The following PHC2 variants were observed in gnomAD, a reference collection of about 807,000 sequenced individuals.
PHC2 encodes polyhomeotic homolog 2, also known as polyhomeotic-like protein 2.
A neutral mutation model predicts 87.4 loss-of-function variants in PHC2; 29 were observed. The ratio of observed to expected loss-of-function variants is 0.33; its 90% confidence interval spans 0.25 to 0.45. PHC2 has a LOEUF of 0.45. PHC2 is among the 20% of genes least tolerant of loss of function. The pLI is 1.00. For missense variants in PHC2, 857 were observed against 1,136.7 expected (o/e 0.75, Z 3.54); for synonymous variants, 438 against 461.7 (o/e 0.95, Z 0.66).
rs769977540 is a variant in PHC2 at position 33,332,372 on chromosome 1, G to A, written c.1794C>T (p.Leu598=). The A allele has an allele frequency of 9.3e-6, 15 of 1,614,166 alleles. No individual in the cohort carries two copies. In the Admixed American group the frequency reaches 2.5e-4, roughly 27 times the overall value. The change falls in exon 11 of 15, where the codon CTC becomes CTT. Residue 598 remains leucine, a synonymous_variant. Transcript: ENST00000683057. The surrounding 1 kb of genome is among the most constrained non-coding windows in gnomAD (Gnocchi z 4.2). ...GGAACCCCTGTGCATACTTCTTCTTGAGATTCCCCACCAGCAGGGACGAGC... is the reference window on the plus strand; with the variant it reads ...GGAACCCCTGTGCATACTTCTTCTTAAGATTCCCCACCAGCAGGGACGAGC... The part of the protein sequence containing the change: ...VGRSSLLVGN[L]KKKYAQGFLP...
chr1:33,422,573 T>C (rs775786261), intron 1 of PHC2, among the ~76,000 whole-genome samples: 5 of 152,230 alleles, frequency 3.3e-5, no homozygotes, highest in Non-Finnish European at 7.3e-5. Flanking sequence ...GGTTATACAA[T>C]GGGCCTGACC....
chr1:33,341,688 A>C (rs1646748301), intron 9 of PHC2, among the ~76,000 whole-genome samples: 1 of 152,228 alleles, frequency 6.6e-6, no homozygotes, highest in Non-Finnish European at 1.5e-5. Flanking sequence ...TTTCCCCCAC[A>C]ACGAATTTAC....
rs1647677073 is a variant in PHC2, at chr1:33,369,270, G to A, written c.577-648C>T. Among the ~76,000 whole-genome samples, 1 of 152,220 alleles carries A rather than the reference G, an allele frequency of 6.6e-6. No homozygotes were observed. The highest frequency in any genetic ancestry group is 1.5e-5 in the Non-Finnish European group (1 of 68,024). On this transcript the variant is annotated intron_variant, in intron 5 of 14. Transcript: ENST00000683057. This position sits in a 1 kb window ranked among gnomAD's most constrained non-coding sequence, Gnocchi z 4.7. Reference sequence around the variant, plus strand: ...CTCTGCATGACACCTCGACCTCCGTGGGAGTCTAGCTCTGCATCAGTGTGG... The same window carrying A: ...CTCTGCATGACACCTCGACCTCCGTAGGAGTCTAGCTCTGCATCAGTGTGG...
rs116484793 is a variant in PHC2, at chr1:33,330,548, G to A, written c.2007-336C>T. ...TCCACTATAAATGTTACCCTGTGAC[G>A]GGAAACTACTGTCCACTGTCCTGCT... On this transcript the variant is annotated intron_variant, in intron 12 of 14. Coordinates refer to ENST00000683057, the MANE Select transcript of PHC2 (RefSeq NM_001385109.1). 2.8e-3 allele frequency among the ~76,000 whole-genome samples: 420 copies of A among 152,312 alleles called. 1 individual carries two copies. Among genetic ancestry groups the A allele is most frequent in the African/African-American group, 9.3e-3 (386 of 41,558 alleles).
Position 33,330,086 on chromosome 1 carries a change from C to T in PHC2, c.2133G>A (p.Lys711=), listed in dbSNP as rs2148191503. The T allele has an allele frequency of 1.9e-6, 3 of 1,613,976 alleles. No homozygotes were observed. The highest frequency in any genetic ancestry group is 2.2e-5 in the South Asian group (2 of 91,004). The change falls in exon 13 of 15, where the codon AAG becomes AAA. Residue 711 remains lysine (K), a synonymous_variant. Transcript: ENST00000683057. ...ASKASLPPLT[K]DTKKQPTGTV... ...CGCCTCTTACCTGCTTCTTGGTATC[C>T]TTGGTAAGTGGTGGCAGACTGGCTT...
intron 1 of PHC2, among the ~76,000 whole-genome samples, chr1:33,408,757 G>T (rs1042076648): frequency 2.0e-5 from 3 of 152,082 alleles, no homozygotes; most frequent in African/African-American, 4.8e-5. Flanking sequence ...GAGCCACCGC[G>T]CCTGGCCTGT....
intron 1 of PHC2, among the ~76,000 whole-genome samples, chr1:33,389,536 T>C (rs1030376614): frequency 1.1e-4 from 16 of 152,178 alleles, no homozygotes; most frequent in African/African-American, 3.6e-4. Flanking sequence ...TTCCTCCTGC[T>C]TGCTTCTGCC....
chr1:33,385,250 C>A (rs1319533841), intron 1 of PHC2, among the ~76,000 whole-genome samples: 1 of 152,164 alleles, frequency 6.6e-6, no homozygotes, highest in Non-Finnish European at 1.5e-5. Flanking sequence ...ATGTGGAGAT[C>A]ATAATACCTT....
At chr1:33,326,742 T>G (rs1646379799) in intron 14 of PHC2, among the ~76,000 whole-genome samples, 3 of 152,004 alleles carry the variant, frequency 2.0e-5, no homozygotes, top group South Asian at 2.1e-4. Context: ...TCGCCTGAGG[T>G]AAGGAGTTTG....
At chr1:33,390,287 CTT>C (rs1312181737) in intron 1 of PHC2, among the ~76,000 whole-genome samples, 3 of 152,218 alleles carry the variant, frequency 2.0e-5, no homozygotes, top group Non-Finnish European at 2.9e-5. Context: ...TTATTTTTAA[CTT>C]ATCCATTTAT....
At chr1:33,430,215 C>G (rs1458130162) in intron 1 of PHC2, among the ~76,000 whole-genome samples, 2 of 152,182 alleles carry the variant, frequency 1.3e-5, no homozygotes, top group Non-Finnish European at 2.9e-5. Context: ...ATGACAGACC[C>G]GATCCAGGTG....
chr1:33,378,507 T>G (rs181219732), intron 1 of PHC2, among the ~76,000 whole-genome samples: 7 of 152,296 alleles, frequency 4.6e-5, no homozygotes, highest in Admixed American at 3.9e-4. Flanking sequence ...AAATCTCAAC[T>G]GAAGTACTTA....
intron 7 of PHC2, chr1:33,363,881 C>T: frequency 1.0e-6 from 1 of 985,230 alleles, no homozygotes; most frequent in Non-Finnish European, 1.2e-6. Flanking sequence ...CTGCTGCCTG[C>T]CTCTCTTCTG....
chr1:33,425,854 C>T (rs138192274), intron 1 of PHC2, among the ~76,000 whole-genome samples: 1 of 152,162 alleles, frequency 6.6e-6, no homozygotes, highest in Non-Finnish European at 1.5e-5. Flanking sequence ...CTCACGTTTT[C>T]TTAGGCTTAC....
At chr1:33,405,347 C>T (rs977941563) in intron 1 of PHC2, among the ~76,000 whole-genome samples, 4 of 152,002 alleles carry the variant, frequency 2.6e-5, no homozygotes, top group Non-Finnish European at 2.9e-5. Context: ...TGTACCACCA[C>T]GCCTGGCTAA....
intron 1 of PHC2, among the ~76,000 whole-genome samples, chr1:33,401,437 G>A (rs957650921): frequency 1.3e-5 from 2 of 152,060 alleles, no homozygotes; most frequent in Admixed American, 6.6e-5. Flanking sequence ...CCCTGATATC[G>A]AGCTCTACTA....
At chr1:33,389,832 GCTTCTTGTATTT>G (rs1347085822) in intron 1 of PHC2, among the ~76,000 whole-genome samples, 1 of 152,086 alleles carries the variant, frequency 6.6e-6, no homozygotes, top group Non-Finnish European at 1.5e-5. Context: ...TTGGCTTTTA[GCTTCTTGTATTT>G]CTAACCTGTT....
intron 7 of PHC2, among the ~76,000 whole-genome samples, chr1:33,356,884 C>T (rs1647099525): frequency 6.6e-6 from 1 of 151,948 alleles, no homozygotes. Context: ...GAGGCGCCCC[C>T]CCACCTCCCA....
At chr1:33,416,575 C>CAA (rs1164520486) in intron 1 of PHC2, among the ~76,000 whole-genome samples, 132 of 22,708 alleles carry the variant, frequency 5.8e-3, no homozygotes, top group African/African-American at 0.012. Context: ...GATTCTGTCT[C>CAA]AAAAAAAAGA....
Sources: allele counts gnomAD v4.1 joint callset (sites outside exome capture counted in the v4.1 genomes callset), GRCh38; gene constraint gnomAD v4.1.1; non-coding constraint Gnocchi (gnomAD v3.1); transcripts MANE v1.5; gene names NCBI Gene and HGNC (gene_info 2026-07-23, HGNC 2026-07-21).